Variants in AGBL1 observed in about 807,000 individuals in gnomAD.
AGBL1 encodes the protein cytosolic carboxypeptidase 4.
A neutral mutation model predicts 118.9 loss-of-function variants in AGBL1; 130 were observed. That is an observed-to-expected ratio of 1.09 (90% CI 0.95 to 1.26). The LOEUF (loss-of-function observed/expected upper bound fraction) is 1.26, where lower values mean the gene tolerates loss of function less well. Among genes scored for constraint, AGBL1 ranks in the 50% most tolerant of loss-of-function variants. The pLI, the probability that AGBL1 is intolerant of heterozygous loss-of-function variation, is 0.00. For synonymous variants in AGBL1, 555 were observed against 478.9 expected, an observed-to-expected ratio of 1.16 and a Z score of -2.08; for missense variants, 1,584 against 1,298.1, an observed-to-expected ratio of 1.22 and a Z score of -3.38.
chr15:86,208,899 T>C (rs558121908), intron 5 of AGBL1, among the ~76,000 whole-genome samples: 1 of 152,370 alleles, frequency 6.6e-6, no homozygotes, highest in Admixed American at 6.5e-5. Flanking sequence ...TTCTTTTAAT[T>C]GTGATGTTAG....
At chr15:87,004,618 C>T (rs1380890881) in intron 24 of AGBL1, among the ~76,000 whole-genome samples, 1 of 152,182 alleles carries the variant, frequency 6.6e-6, no homozygotes, top group Non-Finnish European at 1.5e-5. Flanking sequence ...ATACAGCACA[C>T]TGATGGGTCT....
chr15:87,015,398 T>C (rs1242259739), intron 24 of AGBL1, among the ~76,000 whole-genome samples: 1 of 152,146 alleles, frequency 6.6e-6, no homozygotes, highest in African/African-American at 2.4e-5. Context: ...TCTATCTATC[T>C]ACCTATTTTT....
rs557530058 is a variant in AGBL1, at chr15:86,215,444, C to T, written c.489-9470C>T. 3.9e-5 allele frequency among the ~76,000 whole-genome samples: 6 copies of T among 152,282 alleles called. No homozygotes were observed. In the East Asian group the frequency reaches 7.7e-4, roughly 20 times the overall value. On this transcript the variant is annotated intron_variant, in intron 5 of 22. Coordinates refer to ENST00000614907, the MANE Select transcript of AGBL1 (RefSeq NM_001386094.1). Reference sequence around the variant, plus strand: ...TCCGCTGCAACAACCCCTTGTCCCACTGCCAACTCTAGTGAGGCTCTAGGA... The same window carrying T: ...TCCGCTGCAACAACCCCTTGTCCCATTGCCAACTCTAGTGAGGCTCTAGGA...
intron 18 of AGBL1, among the ~76,000 whole-genome samples, chr15:86,412,630 A>G (rs113365657): frequency 0.02 from 3,073 of 152,246 alleles, 45 homozygotes; most frequent in Middle Eastern, 0.065. Flanking sequence ...CTAAACTTCA[A>G]GTGCATTTAT....
At chr15:86,264,196 CA>C in intron 10 of AGBL1, 61 bp from the exon 11 acceptor site, 1 of 1,324,178 alleles carries the variant, frequency 7.6e-7, no homozygotes, top group Non-Finnish European at 1.0e-6. Context: ...GGACAGGGAT[CA>C]AATTGTATTC....
At chr15:86,851,258 C>T (rs1407955134) in intron 22 of AGBL1, among the ~76,000 whole-genome samples, 2 of 152,130 alleles carry the variant, frequency 1.3e-5, no homozygotes, top group Admixed American at 1.3e-4. Context: ...CCTATGGGTT[C>T]TCTGATTCCT....
chr15:86,247,978 C>T, intron 7 of AGBL1, 99 bp downstream of exon 7: 1 of 1,434,062 alleles, frequency 7.0e-7, no homozygotes, highest in East Asian at 2.3e-5. Flanking sequence ...GGGAACGCCT[C>T]AGTCTATTTC....
chr15:86,377,387 C>G (rs1781409117), intron 17 of AGBL1, among the ~76,000 whole-genome samples: 1 of 152,182 alleles, frequency 6.6e-6, no homozygotes. Flanking sequence ...AGAATCAGAG[C>G]AGAGGGAGCT....
chr15:86,637,621 A>G (rs2085118309), intron 21 of AGBL1, among the ~76,000 whole-genome samples: 1 of 152,242 alleles, frequency 6.6e-6, no homozygotes, highest in Non-Finnish European at 1.5e-5. Context: ...CAGTACTAGC[A>G]AAGGCTATTG....
intron 17 of AGBL1, among the ~76,000 whole-genome samples, chr15:86,364,958 CATAT>C (rs72116454): frequency 0.058 from 4,448 of 76,182 alleles, 442 homozygotes; most frequent in African/African-American, 0.15. Flanking sequence ...ATATGTCACA[CATAT>C]ATATATATAT....
At chr15:86,459,031 T>C (rs2082297197) in intron 18 of AGBL1, among the ~76,000 whole-genome samples, 1 of 152,200 alleles carries the variant, frequency 6.6e-6, no homozygotes, top group Non-Finnish European at 1.5e-5. Context: ...TCGAATGAAC[T>C]ACTGCTTCTC....
intron 18 of AGBL1, among the ~76,000 whole-genome samples, chr15:86,430,102 G>A (rs1156590874): frequency 5.9e-5 from 9 of 152,196 alleles, no homozygotes; most frequent in African/African-American, 9.6e-5. Context: ...AGTATACTTA[G>A]ATAAGGCAAA....
At chr15:86,464,514 T>A (rs1004351707) in intron 18 of AGBL1, among the ~76,000 whole-genome samples, 11 of 152,340 alleles carry the variant, frequency 7.2e-5, no homozygotes, top group Non-Finnish European at 1.3e-4. Flanking sequence ...CCTTGTCTTG[T>A]GCCAGTTTTC....
chr15:86,328,871 A>T (rs1180542003), intron 17 of AGBL1, among the ~76,000 whole-genome samples: 1 of 152,184 alleles, frequency 6.6e-6, no homozygotes, highest in Non-Finnish European at 1.5e-5. Flanking sequence ...CAAGGACAGG[A>T]CACCGTTTTT....
chr15:86,412,749 C>T (rs1204841801), intron 18 of AGBL1, among the ~76,000 whole-genome samples: 2 of 152,156 alleles, frequency 1.3e-5, no homozygotes, highest in African/African-American at 2.4e-5. Context: ...GTTACTACAA[C>T]ACTTCTTCCC....
chr15:86,642,876 A>G (rs2085216107), intron 21 of AGBL1, among the ~76,000 whole-genome samples: 1 of 152,158 alleles, frequency 6.6e-6, no homozygotes, highest in Non-Finnish European at 1.5e-5. Context: ...TTATTTTAAT[A>G]TTACACATAC....
At chr15:86,164,657 C>G (rs1305107638) in intron 5 of AGBL1, among the ~76,000 whole-genome samples, 1 of 152,186 alleles carries the variant, frequency 6.6e-6, no homozygotes, top group African/African-American at 2.4e-5. Flanking sequence ...ACCTTTGGAA[C>G]TGGGTTATCA....
At chr15:86,534,081 G>A (rs1157369602) in intron 19 of AGBL1, among the ~76,000 whole-genome samples, 1 of 120,228 alleles carries the variant, frequency 8.3e-6, no homozygotes, top group Non-Finnish European at 1.6e-5. Context: ...CCTGCACAAT[G>A]TGCACATGTA....
chr15:86,730,251 A>T (rs1036035113), intron 22 of AGBL1, among the ~76,000 whole-genome samples: 7 of 152,230 alleles, frequency 4.6e-5, no homozygotes, highest in Non-Finnish European at 1.0e-4. Flanking sequence ...AAAAACAAAA[A>T]TTGACAAGTG....
Sources: gnomAD v4.1 joint callset for allele counts (sites outside exome capture counted in the v4.1 genomes callset) on GRCh38, gnomAD v4.1.1 for gene constraint, MANE v1.5 for transcripts, NCBI Gene and HGNC (gene_info 2026-07-23, HGNC 2026-07-21) for gene names.